The following S100A7A variants were observed in gnomAD, a reference collection of about 807,000 sequenced individuals.
S100A7A encodes S100 calcium binding protein A7A, also known as protein S100-A7A.
A neutral mutation model predicts 4.0 loss-of-function variants in S100A7A; 5 were observed. That is an observed-to-expected ratio of 1.26 (90% CI 0.66 to 2.66). S100A7A has a LOEUF of 2.66. Ranked by LOEUF, S100A7A falls within the 30% of genes most tolerant of loss-of-function variation. S100A7A has a pLI of 0.01. For missense variants in S100A7A, 159 were observed against 125.1 expected (o/e 1.27, Z -1.29); for synonymous variants, 52 against 46.4 (o/e 1.12, Z -0.49).
chr1:153,422,609 G>C lies in S100A7A; in HGVS notation c.*3300G>C. On this transcript the variant is annotated 3_prime_UTR_variant, in exon 3 of 3. Transcript: ENST00000368729. Reference sequence around the variant, plus strand: ...TTCCAATAACTTTTTTTTTTCAGGCGCAGTCTCACTCTGTCGCCCGGGCTG... The same window carrying C: ...TTCCAATAACTTTTTTTTTTCAGGCCCAGTCTCACTCTGTCGCCCGGGCTG... The C allele has an allele frequency of 1.2e-6, 1 of 828,476 alleles. No individual in the cohort carries two copies. Among genetic ancestry groups the C allele is most frequent in the Non-Finnish European group, 1.5e-6 (1 of 687,624 alleles). The allele number at this position is 828,476 out of a possible 1,614,324, so 51.3% of individuals were successfully genotyped here. A position where few individuals can be genotyped will look rare whatever the true frequency, so the allele number is the denominator to read the frequency against.
At chr1:153,419,021 G>A (rs890654754) in intron 2 of S100A7A, 124 bp from the exon 3 acceptor site, 3 of 1,029,392 alleles carry the variant, frequency 2.9e-6, no homozygotes, top group African/African-American at 1.6e-5. Flanking sequence ...TGTGCTCTCA[G>A]CCCCACGACC....
In S100A7A at chr1:153,420,270, A is replaced by G. The variant is rs1254897002; in HGVS notation, c.*961A>G. The G allele has an allele frequency of 1.0e-4, 16 of 152,388 alleles. No homozygotes were observed. In the East Asian group the frequency reaches 2.1e-3, roughly 20 times the overall value. 9.4% of individuals were successfully genotyped at this position (152,388 alleles called of 1,614,324 possible). A position where few individuals can be genotyped will look rare whatever the true frequency, so the allele number is the denominator to read the frequency against. On this transcript the variant is annotated 3_prime_UTR_variant, in exon 3 of 3. Coordinates refer to ENST00000368729, the MANE Select transcript of S100A7A (RefSeq NM_176823.4). ...GGCTGAGGATGCAGAAACAGGCAGG[A>G]CACAGTGCTGTCCTAGCAGTGCACT... is the stretch of plus-strand genomic sequence containing the variant.
rs1450476300 is a variant in S100A7A, at chr1:153,418,489, C to A, written c.141+266C>A. Among the ~76,000 whole-genome samples the A allele has an allele frequency of 3.9e-5, 6 of 152,196 alleles. No homozygotes were observed. In the East Asian group the frequency reaches 1.2e-3, roughly 29 times the overall value. ...TTGAGGACAGTGCACAGTCCCCTCC[C>A]AGCGCTCACTGACCCTCTCTCTGTG... On this transcript the variant is annotated intron_variant, in intron 2 of 2. Transcript: ENST00000368729.
chr1:153,419,204 T>C lies in S100A7A; in HGVS notation c.201T>C (p.Asp67=), dbSNP rs1662826768. Residue 67 remains aspartate (D), a synonymous_variant, in exon 3 of 3, where the codon GAT becomes GAC. Coordinates refer to ENST00000368729, the MANE Select transcript of S100A7A (RefSeq NM_176823.4). Reference sequence around the variant, plus strand: ...TTGAGAAAAAGGACAAGAATGAGGATAAGAAGATTGATTTTTCTGAGTTTC... The same window carrying C: ...TTGAGAAAAAGGACAAGAATGAGGACAAGAAGATTGATTTTTCTGAGTTTC... The part of the protein sequence containing the change: ...TVFEKKDKNE[D]KKIDFSEFLS... The C allele has an allele frequency of 1.2e-6, 2 of 1,614,082 alleles. No individual in the cohort carries two copies. The highest frequency in any genetic ancestry group is 1.7e-6 in the Non-Finnish European group (2 of 1,180,034).
Position 153,417,932 on chromosome 1 carries a change from A to G in S100A7A, c.-17-134A>G, listed in dbSNP as rs1218196557. Reference sequence around the variant, plus strand: ...ATTTTTGAACAACTTATCCCATCACATTTAAAAAAATCAAGTTCCTTCTGC... The same window carrying G: ...ATTTTTGAACAACTTATCCCATCACGTTTAAAAAAATCAAGTTCCTTCTGC... On this transcript the variant is annotated intron_variant, in intron 1 of 2. Transcript: ENST00000368729. 6 of 1,036,392 alleles carry G rather than the reference A, an allele frequency of 5.8e-6. No homozygotes were observed. In the Admixed American group the frequency reaches 1.4e-4, roughly 25 times the overall value. The allele number at this position is 1,036,392 out of a possible 1,614,324, so 64.2% of individuals were successfully genotyped here.
rs1302191259 is a variant in S100A7A, at chr1:153,420,098, T to G, written c.*789T>G. The G allele has an allele frequency of 6.6e-6, 1 of 152,248 alleles. No homozygotes were observed. The highest frequency in any genetic ancestry group is 2.4e-5 in the African/African-American group (1 of 41,464). 9.4% of individuals were successfully genotyped at this position (152,248 alleles called of 1,614,324 possible). A position where few individuals can be genotyped will look rare whatever the true frequency, so the allele number is the denominator to read the frequency against. ...CAGGAGTCCAAGTAAGCAGTCTGGC[T>G]GGAATAAGGCAGCATCACGGAAATT... On this transcript the variant is annotated 3_prime_UTR_variant, in exon 3 of 3. Coordinates refer to ENST00000368729, the MANE Select transcript of S100A7A (RefSeq NM_176823.4).
At position 153,422,436 on chromosome 1, in the gene S100A7A, G is replaced by T; in HGVS notation, c.*3127G>T. ...CACATACTAGAGCAAGAATTTACTT[G>T]ATTTGGAATAATTAATAGCTACTGG... On this transcript the variant is annotated 3_prime_UTR_variant, in exon 3 of 3. Coordinates refer to ENST00000368729, the MANE Select transcript of S100A7A (RefSeq NM_176823.4). 1 of 851,666 alleles carries T rather than the reference G, an allele frequency of 1.2e-6. No homozygotes were observed. Among genetic ancestry groups the T allele is most frequent in the Non-Finnish European group, 1.4e-6 (1 of 708,062 alleles). 52.8% of individuals were successfully genotyped at this position (851,666 alleles called of 1,614,324 possible).
chr1:153,419,450 T>C lies in S100A7A; in HGVS notation c.*141T>C. On this transcript the variant is annotated 3_prime_UTR_variant, in exon 3 of 3. Transcript: ENST00000368729. Reference sequence around the variant, plus strand: ...TCCAGGTTAACTTTGTTGGAGAATTTCCCCCACCCCCATCCAGTGGGTCAC... The same window carrying C: ...TCCAGGTTAACTTTGTTGGAGAATTCCCCCCACCCCCATCCAGTGGGTCAC... 1 of 981,144 alleles carries C rather than the reference T, an allele frequency of 1.0e-6. No individual in the cohort carries two copies. Among genetic ancestry groups the C allele is most frequent in the Non-Finnish European group, 1.5e-6 (1 of 670,394 alleles). 60.8% of individuals were successfully genotyped at this position (981,144 alleles called of 1,614,324 possible). A position where few individuals can be genotyped will look rare whatever the true frequency, so the allele number is the denominator to read the frequency against.
Position 153,419,558 on chromosome 1 carries a change from G to A in S100A7A, c.*249G>A. On this transcript the variant is annotated 3_prime_UTR_variant, in exon 3 of 3. Transcript: ENST00000368729. Reference sequence around the variant, plus strand: ...GCCTCTCACACAGGTCCTGGTGTCTGCCTCTGCACCGTTCCCTAAATGCAG... The same window carrying A: ...GCCTCTCACACAGGTCCTGGTGTCTACCTCTGCACCGTTCCCTAAATGCAG... The A allele has an allele frequency of 2.0e-6, 1 of 510,976 alleles. No individual in the cohort carries two copies. 31.7% of individuals were successfully genotyped at this position (510,976 alleles called of 1,614,324 possible). A position where few individuals can be genotyped will look rare whatever the true frequency, so the allele number is the denominator to read the frequency against.
rs1396341058 is a variant in S100A7A, at chr1:153,418,316, C to T, written c.141+93C>T. The T allele has an allele frequency of 5.2e-6, 8 of 1,526,094 alleles. No individual in the cohort carries two copies. The Admixed American group carries it at 5.9e-5, about 11-fold the overall frequency. The allele number at this position is 1,526,094 out of a possible 1,614,324, so 94.5% of individuals were successfully genotyped here. A position where few individuals can be genotyped will look rare whatever the true frequency, so the allele number is the denominator to read the frequency against. On this transcript the variant is annotated intron_variant, in intron 2 of 2. Transcript: ENST00000368729. ...TGGCCTTGGACAGGTCACCCTCATC[C>T]TCTGATTAAAAAGTTTCCCATTTGC...
chr1:153,419,402 C>A lies in S100A7A; in HGVS notation c.*93C>A. ...CCTTATTTCTTCTTCTCTTTGGTGACCTACATTGTCAAAACTACCAATTCC... is the reference window on the plus strand; with the variant it reads ...CCTTATTTCTTCTTCTCTTTGGTGAACTACATTGTCAAAACTACCAATTCC... On this transcript the variant is annotated 3_prime_UTR_variant, in exon 3 of 3. Coordinates refer to ENST00000368729, the MANE Select transcript of S100A7A (RefSeq NM_176823.4). 1 of 1,381,676 alleles carries A rather than the reference C, an allele frequency of 7.2e-7. No individual in the cohort carries two copies. The highest frequency in any genetic ancestry group is 1.5e-5 in the African/African-American group (1 of 68,738). The allele number at this position is 1,381,676 out of a possible 1,614,324, so 85.6% of individuals were successfully genotyped here. A position where few individuals can be genotyped will look rare whatever the true frequency, so the allele number is the denominator to read the frequency against.
intron 2 of S100A7A, among the ~76,000 whole-genome samples, chr1:153,418,535 A>G (rs1662800521): frequency 6.6e-6 from 1 of 152,172 alleles, no homozygotes; most frequent in African/African-American, 2.4e-5. Flanking sequence ...TCACATGCTC[A>G]GGTCCTGCTT....
At chr1:153,416,936 G>T (rs1285726351) in intron 1 of S100A7A, among the ~76,000 whole-genome samples, 1 of 152,230 alleles carries the variant, frequency 6.6e-6, no homozygotes, top group African/African-American at 2.4e-5. Flanking sequence ...AGGGAGGAGG[G>T]ATAAGGATCC....
rs1419513657 is a variant in S100A7A, at chr1:153,422,499, G to A, written c.*3190G>A. On this transcript the variant is annotated 3_prime_UTR_variant, in exon 3 of 3. Coordinates refer to ENST00000368729, the MANE Select transcript of S100A7A (RefSeq NM_176823.4). ...TACTAAAGAGAAAGAATACTTGACA[G>A]CTCTATGCCCACACTCACATTACAG... 1.2e-5 allele frequency: 12 copies of A among 984,354 alleles called. No homozygotes were observed. The highest frequency in any genetic ancestry group is 1.3e-5 in the Non-Finnish European group (11 of 829,052). The allele number at this position is 984,354 out of a possible 1,614,324, so 61.0% of individuals were successfully genotyped here. A position where few individuals can be genotyped will look rare whatever the true frequency, so the allele number is the denominator to read the frequency against.
chr1:153,417,478 C>T (rs1662754767), intron 1 of S100A7A, among the ~76,000 whole-genome samples: 1 of 152,210 alleles, frequency 6.6e-6, no homozygotes, highest in South Asian at 2.1e-4. Context: ...GGCCCCCTGT[C>T]CTCGGGAGAG....
rs138304156 is a variant in S100A7A at position 153,419,027 on chromosome 1, C to T, written c.142-118C>T. On this transcript the variant is annotated intron_variant, in intron 2 of 2. Transcript: ENST00000368729. ...CACTCACCCTGTGCTCTCAGCCCCA[C>T]GACCATGCCTGTGCAGATCTAGGTA... 2.2e-5 allele frequency: 24 copies of T among 1,102,806 alleles called. 1 individual carries two copies. Among genetic ancestry groups the T allele is most frequent in the East Asian group, 5.0e-5 (2 of 39,746 alleles). The allele number at this position is 1,102,806 out of a possible 1,614,324, so 68.3% of individuals were successfully genotyped here.
Position 153,418,160 on chromosome 1 carries a change from G to C in S100A7A, c.78G>C (p.Lys26Asn). 6.2e-7 allele frequency: 1 copy of C among 1,614,084 alleles called. No individual in the cohort carries two copies. Among genetic ancestry groups the C allele is most frequent in the East Asian group, 2.2e-5 (1 of 44,886 alleles). ...MFHKYTGRDG[K>N]IEKPSLLTMM... ...ACAAATACACCGGACGTGATGGCAA[G>C]ATTGAGAAGCCAAGCCTGCTGACGA... is the stretch of plus-strand genomic sequence containing the variant. The change falls in exon 2 of 3, where the codon AAG becomes AAC. Residue 26 changes from lysine to asparagine, a missense_variant. Coordinates refer to ENST00000368729, the MANE Select transcript of S100A7A (RefSeq NM_176823.4).
In S100A7A at chr1:153,419,346, A is replaced by G. The variant is rs745605465; in HGVS notation, c.*37A>G. 22 of 1,588,094 alleles carry G rather than the reference A, an allele frequency of 1.4e-5. No individual in the cohort carries two copies. In the African/African-American group the frequency reaches 1.9e-4, roughly 14 times the overall value. On this transcript the variant is annotated 3_prime_UTR_variant, in exon 3 of 3. Transcript: ENST00000368729. ...CAAGGGGCCTCCAGAGACCCCAGGAACAATAAGTGTCTCCTCCCACCAGAC... is the reference window on the plus strand; with the variant it reads ...CAAGGGGCCTCCAGAGACCCCAGGAGCAATAAGTGTCTCCTCCCACCAGAC...
rs920545183 is a variant in S100A7A, at chr1:153,419,500, C to T, written c.*191C>T. 21 of 647,398 alleles carry T rather than the reference C, an allele frequency of 3.2e-5. No individual in the cohort carries two copies. Among genetic ancestry groups the T allele is most frequent in the Middle Eastern group, 3.4e-4 (1 of 2,914 alleles). The allele number at this position is 647,398 out of a possible 1,614,324, so 40.1% of individuals were successfully genotyped here. ...CCCAGGAGTAATGTCCCTCCAGCAACGTTCCCCCTATGGCCTCCAGCAGAG... is the reference window on the plus strand; with the variant it reads ...CCCAGGAGTAATGTCCCTCCAGCAATGTTCCCCCTATGGCCTCCAGCAGAG... On this transcript the variant is annotated 3_prime_UTR_variant, in exon 3 of 3. Coordinates refer to ENST00000368729, the MANE Select transcript of S100A7A (RefSeq NM_176823.4).
Sources: allele counts gnomAD v4.1 joint callset (sites outside exome capture counted in the v4.1 genomes callset), GRCh38; gene constraint gnomAD v4.1.1; transcripts MANE v1.5; gene names NCBI Gene and HGNC (gene_info 2026-07-23, HGNC 2026-07-21).